The following UBL3 variants were observed in gnomAD, a reference collection of about 807,000 sequenced individuals.
UBL3 encodes the protein ubiquitin like 3.
A neutral mutation model predicts 18.4 loss-of-function variants in UBL3; 6 were observed. The observed-to-expected ratio is 0.33, with a 90% confidence interval of 0.18 to 0.64. The LOEUF is 0.64. Ranked by LOEUF, UBL3 falls within the 30% of genes least tolerant of loss-of-function variation. The pLI is 0.76. For synonymous variants in UBL3, 49 were observed against 46.6 expected (o/e 1.05, Z -0.21); for missense variants, 109 against 142.9 (o/e 0.76, Z 1.21).
rs151152784 is a variant in UBL3, at chr13:29,773,416, A to C, written c.137-1218T>G. Among the ~76,000 whole-genome samples, 635 of 152,276 alleles carry C rather than the reference A, an allele frequency of 4.2e-3. 6 individuals carry two copies. The highest frequency in any genetic ancestry group is 0.014 in the African/African-American group (586 of 41,554). On this transcript the variant is annotated intron_variant, in intron 2 of 4. Transcript: ENST00000380680. ...TCCTATTCTAGAAGAAAGATCAAAT[A>C]AGTCTCTAACACTATAGTATGAATT...
rs1876704676 is a variant in UBL3 at position 29,766,970 on chromosome 13, C to T, written c.*285G>A. 3.8e-6 allele frequency: 1 copy of T among 264,420 alleles called. No homozygotes were observed. The highest frequency in any genetic ancestry group is 7.1e-6 in the Non-Finnish European group (1 of 141,816). The allele number at this position is 264,420 out of a possible 1,614,324, so 16.4% of individuals were successfully genotyped here. A position where few individuals can be genotyped will look rare whatever the true frequency, so the allele number is the denominator to read the frequency against. On this transcript the variant is annotated 3_prime_UTR_variant, in exon 5 of 5. Transcript: ENST00000380680. Reference sequence around the variant, plus strand: ...TGTGGCAGCAAAATGGTTTCTGCTACGAAAGATAACTTGTTAACTTTTCCC... The same window carrying T: ...TGTGGCAGCAAAATGGTTTCTGCTATGAAAGATAACTTGTTAACTTTTCCC...
intron 1 of UBL3, among the ~76,000 whole-genome samples, chr13:29,814,227 A>T (rs895697820): frequency 6.6e-6 from 1 of 152,074 alleles, no homozygotes; most frequent in African/African-American, 2.4e-5. Flanking sequence ...AATTACTTCA[A>T]ATATCAAAAA....
intron 1 of UBL3, among the ~76,000 whole-genome samples, chr13:29,810,391 T>C (rs1181704856): frequency 6.6e-6 from 1 of 152,026 alleles, no homozygotes; most frequent in East Asian, 1.9e-4. Context: ...TGAAGAAGGC[T>C]AATATTTAAA....
intron 3 of UBL3, 125 bp from the exon 4 acceptor site, chr13:29,767,820 T>C (rs1876729657): frequency 3.1e-6 from 2 of 647,656 alleles, no homozygotes; most frequent in Non-Finnish European, 5.0e-6. Flanking sequence ...TCAACTTAAC[T>C]CAGAGTACCT....
intron 1 of UBL3, among the ~76,000 whole-genome samples, chr13:29,849,275 T>C (rs1325057598): frequency 6.6e-6 from 1 of 152,148 alleles, no homozygotes; most frequent in Non-Finnish European, 1.5e-5. Flanking sequence ...CATGATACAT[T>C]TCCCTACTTC....
At chr13:29,815,022 T>C (rs1337128697) in intron 1 of UBL3, among the ~76,000 whole-genome samples, 1 of 152,216 alleles carries the variant, frequency 6.6e-6, no homozygotes, top group Non-Finnish European at 1.5e-5. Context: ...TCCTCTTCTA[T>C]TAAATATATG....
At chr13:29,812,471 T>C (rs1878118597) in intron 1 of UBL3, among the ~76,000 whole-genome samples, 2 of 152,012 alleles carry the variant, frequency 1.3e-5, no homozygotes, top group South Asian at 2.1e-4. Flanking sequence ...ACCCCAGACA[T>C]ACTGAATCAT....
intron 1 of UBL3, among the ~76,000 whole-genome samples, chr13:29,837,360 T>TA (rs549053920): frequency 6.6e-5 from 10 of 151,534 alleles, no homozygotes; most frequent in Non-Finnish European, 1.5e-4. Flanking sequence ...AATTTTAGGA[T>TA]AAAAAATACA....
intron 1 of UBL3, among the ~76,000 whole-genome samples, chr13:29,842,821 G>GC (rs1461891104): frequency 6.6e-6 from 1 of 152,008 alleles, no homozygotes; most frequent in Non-Finnish European, 1.5e-5. Context: ...CAGAAAATTA[G>GC]CCCTCCTAAA....
chr13:29,846,972 G>C (rs1879242796), intron 1 of UBL3, among the ~76,000 whole-genome samples: 1 of 152,190 alleles, frequency 6.6e-6, no homozygotes, highest in African/African-American at 2.4e-5. Context: ...AGTGGTGAGA[G>C]GAGCTCTTCA....
In UBL3 at chr13:29,764,610, G is replaced by C. The variant is rs1047289611; in HGVS notation, c.*2645C>G. On this transcript the variant is annotated 3_prime_UTR_variant, in exon 5 of 5. Transcript: ENST00000380680. ...AAATACAACTTATCTTGAAGAGAAAGCAAATAGTTCAGATCAGGGAGACAT... is the reference window on the plus strand; with the variant it reads ...AAATACAACTTATCTTGAAGAGAAACCAAATAGTTCAGATCAGGGAGACAT... 5.3e-5 allele frequency: 8 copies of C among 152,164 alleles called. No homozygotes were observed. The highest frequency in any genetic ancestry group is 1.7e-4 in the African/African-American group (7 of 41,444). 9.4% of individuals were successfully genotyped at this position (152,164 alleles called of 1,614,324 possible).
intron 2 of UBL3, among the ~76,000 whole-genome samples, chr13:29,775,815 C>A (rs1318240203): frequency 6.6e-6 from 1 of 151,968 alleles, no homozygotes; most frequent in East Asian, 1.9e-4. Flanking sequence ...GGGGTTTCAC[C>A]ATGTTGGCCA....
chr13:29,815,489 T>C (rs1878246146), intron 1 of UBL3, among the ~76,000 whole-genome samples: 1 of 152,110 alleles, frequency 6.6e-6, no homozygotes. Context: ...ACAAATAAAT[T>C]TGTGAGGTCT....
intron 1 of UBL3, 117 bp from the exon 2 acceptor site, chr13:29,777,380 G>A: frequency 2.5e-6 from 2 of 793,016 alleles, no homozygotes; most frequent in Non-Finnish European, 4.1e-6. Flanking sequence ...CCATATTGTG[G>A]TTTTTATTTA....
chr13:29,772,003 T>C, intron 3 of UBL3, 109 bp downstream of exon 3: 2 of 965,862 alleles, frequency 2.1e-6, no homozygotes, highest in South Asian at 1.6e-5. Flanking sequence ...GAATTCATAG[T>C]TTGAATTTAT....
intron 1 of UBL3, among the ~76,000 whole-genome samples, chr13:29,832,333 CTTTT>C (rs34577519): frequency 7.1e-6 from 1 of 140,954 alleles, no homozygotes; most frequent in Admixed American, 7.0e-5. Context: ...TACCTAATTT[CTTTT>C]TTTTTTTTTT....
chr13:29,765,316 T>C lies in UBL3; in HGVS notation c.*1939A>G, dbSNP rs1876648805. The stretch of plus-strand genomic sequence containing the variant: ...ATTAAGCAACTACCAGATTCTTTAG[T>C]CAACACTAACAGAATTCACATTTCA... On this transcript the variant is annotated 3_prime_UTR_variant, in exon 5 of 5. Coordinates refer to ENST00000380680, the MANE Select transcript of UBL3 (RefSeq NM_007106.4). 2 of 152,148 alleles carry C rather than the reference T, an allele frequency of 1.3e-5. No homozygotes were observed. The highest frequency in any genetic ancestry group is 1.3e-4 in the Admixed American group (2 of 15,264). 9.4% of individuals were successfully genotyped at this position (152,148 alleles called of 1,614,324 possible).
At position 29,765,584 on chromosome 13, in the gene UBL3, T is replaced by TCA. The variant is rs1287775045; in HGVS notation, c.*1669_*1670dup. On this transcript the variant is annotated 3_prime_UTR_variant, in exon 5 of 5. Transcript: ENST00000380680. Reference sequence around the variant, plus strand: ...GGTGCTTAAACAATTATTGACCTAATCAAGACCTTTAAAATTACCACCAAA... The same window carrying TCA: ...GGTGCTTAAACAATTATTGACCTAATCACAAGACCTTTAAAATTACCACCAAA... 1 of 152,524 alleles carries TCA rather than the reference T, an allele frequency of 6.6e-6. No homozygotes were observed. Among genetic ancestry groups the TCA allele is most frequent in the African/African-American group, 2.4e-5 (1 of 41,448 alleles). The allele number at this position is 152,524 out of a possible 1,614,324, so 9.4% of individuals were successfully genotyped here.
chr13:29,768,803 CA>C (rs1444757915), intron 3 of UBL3, among the ~76,000 whole-genome samples: 3 of 152,030 alleles, frequency 2.0e-5, no homozygotes, highest in Non-Finnish European at 2.9e-5. Context: ...TGACTTAAAT[CA>C]AAATGTAAGT....
Sources: gnomAD v4.1 joint callset for allele counts (sites outside exome capture counted in the v4.1 genomes callset) on GRCh38, gnomAD v4.1.1 for gene constraint, MANE v1.5 for transcripts, NCBI Gene and HGNC (gene_info 2026-07-23, HGNC 2026-07-21) for gene names.